Variants in MEI4 observed in about 807,000 individuals in gnomAD.
MEI4 encodes meiosis-specific protein MEI4.
MEI4 carries 27 observed loss-of-function variants against 31.4 expected under a neutral mutation model. That is an observed-to-expected ratio of 0.86 (90% confidence interval 0.63 to 1.19). MEI4 has a LOEUF of 1.19. MEI4 is among the 50% of genes most tolerant of loss of function. The probability of loss-of-function intolerance (pLI) is 0.00; values close to 1 mark genes in which losing one functional copy is unlikely to be tolerated. For synonymous variants in MEI4, 122 were observed against 145.4 expected, an observed-to-expected ratio of 0.84 and a Z score of 1.16; for missense variants, 329 against 398.9, an observed-to-expected ratio of 0.82 and a Z score of 1.49.
intron 4 of MEI4, among the ~76,000 whole-genome samples, chr6:77,889,615 A>G (rs1405397961): frequency 6.6e-6 from 1 of 152,242 alleles, no homozygotes. Context: ...CAAGCTGGCT[A>G]CAGAAGTTTG....
In MEI4 at chr6:77,829,011, G is replaced by A; in HGVS notation, c.849G>A (p.Leu283=). Residue 283 remains leucine, a synonymous_variant, in exon 4 of 5, where the codon CTG becomes CTA. Coordinates refer to ENST00000684080, the MANE Select transcript of MEI4 (RefSeq NM_001322247.2). ...CSLLRKSIIS[L]LLSEVNGFAD... ...TGTTGAGAAAATCTATTATATCTCT[G>A]CTTCTATCAGAAGTAAATGGCTTTG... is the stretch of plus-strand genomic sequence containing the variant. 8.1e-7 allele frequency: 1 copy of A among 1,231,954 alleles called. No homozygotes were observed. Among genetic ancestry groups the A allele is most frequent in the Non-Finnish European group, 1.0e-6 (1 of 987,796 alleles). 76.3% of individuals were successfully genotyped at this position (1,231,954 alleles called of 1,614,324 possible).
At chr6:77,686,153 A>G (rs555233285) in intron 1 of MEI4, among the ~76,000 whole-genome samples, 2 of 152,326 alleles carry the variant, frequency 1.3e-5, no homozygotes, top group Admixed American at 1.3e-4. Context: ...CACTAGAAGC[A>G]GAAGCTGGCA....
At position 77,820,509 on chromosome 6, in the gene MEI4, G is replaced by A. The variant is rs1295404591; in HGVS notation, c.769-8422G>A. On this transcript the variant is annotated intron_variant, in intron 3 of 4. Coordinates refer to ENST00000684080, the MANE Select transcript of MEI4 (RefSeq NM_001322247.2). The surrounding 1 kb of genome is among the most constrained non-coding windows in gnomAD (Gnocchi z 4.5). ...TGGAACCCCTGACCTCAGGCAATTC[G>A]CCTGCCTAGGCCTCCCAAATTGCTG... is the stretch of plus-strand genomic sequence containing the variant. 2.6e-5 allele frequency among the ~76,000 whole-genome samples: 4 copies of A among 152,120 alleles called. No homozygotes were observed. Among genetic ancestry groups the A allele is most frequent in the African/African-American group, 9.7e-5 (4 of 41,446 alleles).
In MEI4 at chr6:77,739,425, G is replaced by A. The variant is rs572177512; in HGVS notation, c.233-21705G>A. Among the ~76,000 whole-genome samples, 91 of 152,236 alleles carry A rather than the reference G, an allele frequency of 6.0e-4. 1 individual carries two copies. The highest frequency in any genetic ancestry group is 2.1e-3 in the African/African-American group (87 of 41,536). On this transcript the variant is annotated intron_variant, in intron 2 of 4. Coordinates refer to ENST00000684080, the MANE Select transcript of MEI4 (RefSeq NM_001322247.2). The stretch of plus-strand genomic sequence containing the variant: ...AGAATGAGTTCATGTCCTTTGCAGG[G>A]ACATGGATGAACCTGGAAGCTGTCA...
In MEI4 at chr6:77,661,702, G is replaced by A. The variant is rs11758431; in HGVS notation, c.-15+8610G>A. ...GCGGCTTGTAACCTATGTGGAAGAGGTTTTGAAATGACGACAGAATAGAAT... is the reference window on the plus strand; with the variant it reads ...GCGGCTTGTAACCTATGTGGAAGAGATTTTGAAATGACGACAGAATAGAAT... On this transcript the variant is annotated intron_variant, in intron 1 of 4. Coordinates refer to ENST00000684080, the MANE Select transcript of MEI4 (RefSeq NM_001322247.2). 7.7e-3 allele frequency among the ~76,000 whole-genome samples: 1,176 copies of A among 152,262 alleles called. 7 individuals carry two copies. Among genetic ancestry groups the A allele is most frequent in the Non-Finnish European group, 0.012 (805 of 68,026 alleles).
chr6:77,747,615 G>A (rs1277523528), intron 2 of MEI4, among the ~76,000 whole-genome samples: 1 of 151,996 alleles, frequency 6.6e-6, no homozygotes, highest in Non-Finnish European at 1.5e-5. Context: ...TGATACATGG[G>A]GATTACAGTT....
At chr6:77,919,090 A>G (rs1284046100) in intron 4 of MEI4, among the ~76,000 whole-genome samples, 31 of 151,940 alleles carry the variant, frequency 2.0e-4, no homozygotes, top group African/African-American at 7.0e-4. Flanking sequence ...ACAGATCAAC[A>G]AGACAGAAAG....
At chr6:77,668,297 C>T (rs16889292) in intron 1 of MEI4, among the ~76,000 whole-genome samples, 12,557 of 152,096 alleles carry the variant, frequency 0.083, 710 homozygotes, top group East Asian at 0.22. Flanking sequence ...ACTCTTTTGC[C>T]TTCTAGGGCA....
intron 4 of MEI4, among the ~76,000 whole-genome samples, chr6:77,867,441 A>T (rs917863361): frequency 3.9e-5 from 6 of 152,242 alleles, no homozygotes. Flanking sequence ...GAAGACATTT[A>T]TGTAGCCAAA....
chr6:77,776,055 G>A (rs956234435), intron 3 of MEI4, among the ~76,000 whole-genome samples: 3 of 151,188 alleles, frequency 2.0e-5, no homozygotes, highest in Admixed American at 6.6e-5. Context: ...TTGCTGATTT[G>A]TTTGAGTTCA....
intron 3 of MEI4, 116 bp downstream of exon 3, chr6:77,761,781 T>A (rs1323115420): frequency 3.2e-5 from 20 of 634,792 alleles, no homozygotes; most frequent in Non-Finnish European, 4.5e-5. Context: ...CCTTATTGGG[T>A]CTTTTTCTGC....
intron 2 of MEI4, among the ~76,000 whole-genome samples, chr6:77,726,989 A>G (rs2127665501): frequency 6.6e-6 from 1 of 152,350 alleles, no homozygotes; most frequent in Non-Finnish European, 1.5e-5. Context: ...ATAAGGACTA[A>G]AGATACTCTT....
intron 4 of MEI4, among the ~76,000 whole-genome samples, chr6:77,841,259 A>G (rs1770350026): frequency 6.8e-6 from 1 of 147,136 alleles, no homozygotes; most frequent in South Asian, 2.1e-4. Context: ...TATAGCTTCT[A>G]ATTGAAGTGG....
intron 3 of MEI4, among the ~76,000 whole-genome samples, chr6:77,822,543 A>G (rs1435582577): frequency 6.6e-6 from 1 of 152,000 alleles, no homozygotes; most frequent in East Asian, 1.9e-4. Context: ...AATTTGTATG[A>G]GAGTTAAATG....
chr6:77,741,103 A>G (rs534093753), intron 2 of MEI4, among the ~76,000 whole-genome samples: 146 of 152,336 alleles, frequency 9.6e-4, no homozygotes, highest in Non-Finnish European at 1.8e-3. Flanking sequence ...CATCTGGATT[A>G]TGGTATAAGA....
At chr6:77,699,740 C>T (rs184144988) in intron 2 of MEI4, among the ~76,000 whole-genome samples, 17 of 152,208 alleles carry the variant, frequency 1.1e-4, no homozygotes, top group East Asian at 9.7e-4. Context: ...ATGATGGTGA[C>T]GTACAGATGG....
At chr6:77,822,675 A>G (rs1265728753) in intron 3 of MEI4, among the ~76,000 whole-genome samples, 1 of 140,282 alleles carries the variant, frequency 7.1e-6, no homozygotes, top group Non-Finnish European at 1.5e-5. Flanking sequence ...GCTAGAGTCC[A>G]GTGGCAGGAT....
intron 4 of MEI4, among the ~76,000 whole-genome samples, chr6:77,922,762 A>T (rs1444817231): frequency 6.6e-6 from 1 of 151,704 alleles, no homozygotes; most frequent in East Asian, 1.9e-4. Context: ...GATTGAATTT[A>T]ACACTGGTAT....
At chr6:77,917,585 G>A in intron 4 of MEI4, among the ~76,000 whole-genome samples, 2 of 95,488 alleles carry the variant, frequency 2.1e-5, no homozygotes, top group African/African-American at 5.1e-5. Context: ...AGAAGTGTCT[G>A]TTCATGTCCT....
Sources: gnomAD v4.1 joint callset for allele counts (sites outside exome capture counted in the v4.1 genomes callset) on GRCh38, gnomAD v4.1.1 for gene constraint, Gnocchi (gnomAD v3.1) non-coding constraint, MANE v1.5 for transcripts, NCBI Gene and HGNC (gene_info 2026-07-23, HGNC 2026-07-21) for gene names.